DPYD: variants seen among roughly 807,000 people sequenced by gnomAD.
The protein encoded by DPYD is dihydropyrimidine dehydrogenase [NADP(+)].
Under a neutral mutation model 116.2 loss-of-function variants are expected in DPYD, and 109 were observed. The ratio of observed to expected loss-of-function variants is 0.94; its 90% CI spans 0.80 to 1.10. The LOEUF (loss-of-function observed/expected upper bound fraction) is 1.10, where lower values mean the gene tolerates loss of function less well. DPYD is among the 50% of genes least tolerant of loss of function. The pLI is 0.00. For synonymous variants in DPYD, 440 were observed against 432.0 expected, an observed-to-expected ratio of 1.02 and a Z score of -0.23; for missense variants, 1,302 against 1,254.5, an observed-to-expected ratio of 1.04 and a Z score of -0.57.
intron 20 of DPYD, among the ~76,000 whole-genome samples, chr1:97,175,588 C>T (rs1420392284): frequency 6.6e-6 from 1 of 152,136 alleles, no homozygotes; most frequent in Non-Finnish European, 1.5e-5. Context: ...GAAGTCTTCT[C>T]CATTTTGGTG....
intron 20 of DPYD, among the ~76,000 whole-genome samples, chr1:97,177,492 G>A (rs1383479245): frequency 6.6e-6 from 1 of 152,000 alleles, no homozygotes; most frequent in East Asian, 1.9e-4. Flanking sequence ...AGAAACGAAG[G>A]GCAGTGAGTA....
chr1:97,258,092 T>C (rs917290308), intron 18 of DPYD, among the ~76,000 whole-genome samples: 1 of 151,998 alleles, frequency 6.6e-6, no homozygotes, highest in Non-Finnish European at 1.5e-5. Context: ...AGGTGTGTCG[T>C]AGGGCCTAGA....
At chr1:97,220,927 A>G (rs1009071120) in intron 19 of DPYD, among the ~76,000 whole-genome samples, 1 of 152,112 alleles carries the variant, frequency 6.6e-6, no homozygotes, top group Non-Finnish European at 1.5e-5. Flanking sequence ...GTTTACTCCA[A>G]ATTTCATGTT....
intron 16 of DPYD, among the ~76,000 whole-genome samples, chr1:97,309,364 T>A (rs1485231917): frequency 6.8e-6 from 1 of 147,732 alleles, no homozygotes; most frequent in Non-Finnish European, 1.5e-5. Context: ...TGTGTGTGTG[T>A]GAGCATGTTC....
chr1:97,702,326 C>T (rs150676688), intron 5 of DPYD, among the ~76,000 whole-genome samples: 48 of 151,576 alleles, frequency 3.2e-4, no homozygotes, highest in African/African-American at 9.9e-4. Flanking sequence ...ATACTTAAAA[C>T]ATATGTTTAA....
chr1:97,878,170 A>G (rs536716835), intron 2 of DPYD, among the ~76,000 whole-genome samples: 1 of 151,922 alleles, frequency 6.6e-6, no homozygotes, highest in Non-Finnish European at 1.5e-5. Flanking sequence ...GCTGAGCCAC[A>G]TTGGAGCCTG....
At position 97,291,829 on chromosome 1, in the gene DPYD, A is replaced by T. The variant is rs546231663; in HGVS notation, c.2299+13430T>A. Among the ~76,000 whole-genome samples, 850 of 152,230 alleles carry T rather than the reference A, an allele frequency of 5.6e-3. 3 individuals are homozygous for T. The highest frequency in any genetic ancestry group is 0.01 in the Non-Finnish European group (690 of 68,008). The stretch of plus-strand genomic sequence containing the variant: ...TTGTGCACATGTACCCTAAAACTTA[A>T]AGTATAATAAAATACAATAAAATAA... On this transcript the variant is annotated intron_variant, in intron 18 of 22. Transcript: ENST00000370192.
At position 97,699,430 on chromosome 1, in the gene DPYD, T is replaced by G. The variant is rs72549308; in HGVS notation, c.601A>C (p.Ser201Arg). 95 of 1,613,598 alleles carry G rather than the reference T, an allele frequency of 5.9e-5. No individual in the cohort carries two copies. The highest frequency in any genetic ancestry group is 7.8e-5 in the Non-Finnish European group (92 of 1,179,730). ...AATCGAGCCAAAAAGGAAGCACAAC[T>G]TATACTTGCAGGCCCAGCACCAAAA... ...ALFGAGPASI[S>R]CASFLARLGY... The change falls in exon 6 of 23, where the codon AGT becomes CGT. Residue 201 changes from serine to arginine, a missense_variant. Physicochemically the swap from Ser to Arg is moderately radical, Grantham distance 110. Transcript: ENST00000370192.
intron 13 of DPYD, among the ~76,000 whole-genome samples, chr1:97,495,392 T>C (rs577533068): frequency 1.3e-5 from 2 of 152,300 alleles, no homozygotes; most frequent in South Asian, 2.1e-4. Context: ...CTTCCCTTCA[T>C]TGAAAGTTAA....
intron 5 of DPYD, among the ~76,000 whole-genome samples, chr1:97,700,588 G>A (rs184493678): frequency 1.2e-3 from 183 of 152,042 alleles, no homozygotes; most frequent in Admixed American, 5.8e-3. Flanking sequence ...TGTACCAAAC[G>A]ATAGAATGCA....
chr1:97,854,448 T>C (rs1186726268), intron 2 of DPYD, among the ~76,000 whole-genome samples: 1 of 152,178 alleles, frequency 6.6e-6, no homozygotes, highest in Non-Finnish European at 1.5e-5. Context: ...AGCCATCCAC[T>C]ACACTGGGAA....
At chr1:97,387,159 G>C (rs948281843) in intron 14 of DPYD, among the ~76,000 whole-genome samples, 1 of 151,992 alleles carries the variant, frequency 6.6e-6, no homozygotes, top group Non-Finnish European at 1.5e-5. Flanking sequence ...TGAATGAAGA[G>C]ATAGTGAAAC....
intron 20 of DPYD, among the ~76,000 whole-genome samples, chr1:97,120,330 C>T (rs1480073235): frequency 6.6e-6 from 1 of 152,146 alleles, no homozygotes; most frequent in Non-Finnish European, 1.5e-5. Flanking sequence ...GAGAATCAGC[C>T]TAACAGGACC....
chr1:97,816,642 T>C (rs1668624085), intron 3 of DPYD, among the ~76,000 whole-genome samples: 2 of 152,182 alleles, frequency 1.3e-5, no homozygotes, highest in Admixed American at 1.3e-4. Context: ...AAATGATTCA[T>C]TGGTGGTTAT....
At chr1:97,542,962 G>A (rs578187958) in intron 12 of DPYD, among the ~76,000 whole-genome samples, 1 of 152,084 alleles carries the variant, frequency 6.6e-6, no homozygotes, top group East Asian at 1.9e-4. Context: ...TCTTTTTCCT[G>A]ATCTCGTTTT....
At chr1:97,527,368 T>A (rs575922655) in intron 12 of DPYD, among the ~76,000 whole-genome samples, 1 of 152,082 alleles carries the variant, frequency 6.6e-6, no homozygotes, top group African/African-American at 2.4e-5. Context: ...TGAGCCACCA[T>A]GCCCAGCTGC....
intron 7 of DPYD, among the ~76,000 whole-genome samples, chr1:97,690,722 A>T (rs1660968842): frequency 6.6e-6 from 1 of 152,066 alleles, no homozygotes; most frequent in Non-Finnish European, 1.5e-5. Flanking sequence ...TAAATTATCT[A>T]TTTTGAACAC....
At chr1:97,690,538 A>G (rs1439855252) in intron 7 of DPYD, among the ~76,000 whole-genome samples, 2 of 151,990 alleles carry the variant, frequency 1.3e-5, no homozygotes, top group Admixed American at 1.3e-4. Flanking sequence ...CACCTCAAAC[A>G]TTTCCCATGT....
At chr1:97,779,867 T>C (rs985555690) in intron 3 of DPYD, among the ~76,000 whole-genome samples, 2 of 152,124 alleles carry the variant, frequency 1.3e-5, no homozygotes, top group African/African-American at 4.8e-5. Context: ...TAACTTTTAC[T>C]AGCTGTAGGG....
Sources: allele counts gnomAD v4.1 joint callset (sites outside exome capture counted in the v4.1 genomes callset), GRCh38; gene constraint gnomAD v4.1.1; transcripts MANE v1.5; gene names NCBI Gene and HGNC (gene_info 2026-07-23, HGNC 2026-07-21).